The following PDSS2 variants were observed in gnomAD, a reference collection of about 807,000 sequenced individuals.
The protein encoded by PDSS2 is all trans-polyprenyl-diphosphate synthase PDSS2.
In PDSS2, 31 loss-of-function variants were observed where a neutral mutation model predicts 44.5. The observed-to-expected ratio is 0.70, with a 90% CI of 0.52 to 0.94. The LOEUF is 0.94. Ranked by LOEUF, PDSS2 falls within the 40% of genes least tolerant of loss-of-function variation. The pLI is 0.00. For missense variants in PDSS2, 452 were observed against 482.2 expected (o/e 0.94, Z 0.59); for synonymous variants, 157 against 180.3 (o/e 0.87, Z 1.03).
At chr6:107,261,114 G>A (rs1775207035) in intron 3 of PDSS2, among the ~76,000 whole-genome samples, 1 of 152,210 alleles carries the variant, frequency 6.6e-6, no homozygotes, top group African/African-American at 2.4e-5. Flanking sequence ...CTAAGTACTG[G>A]GTGGATAGAC....
intron 4 of PDSS2, among the ~76,000 whole-genome samples, chr6:107,241,960 A>G (rs528683405): frequency 5.9e-5 from 9 of 152,264 alleles, no homozygotes; most frequent in African/African-American, 2.2e-4. Flanking sequence ...CTCTTCCCAC[A>G]TGACCTCCAC....
At chr6:107,272,935 TTTTTTA>T (rs1200257076) in intron 3 of PDSS2, among the ~76,000 whole-genome samples, 1 of 152,128 alleles carries the variant, frequency 6.6e-6, no homozygotes, top group African/African-American at 2.4e-5. Flanking sequence ...TTTATTTATT[TTTTTTA>T]TTTTTATTTT....
chr6:107,215,044 T>C lies in PDSS2; in HGVS notation c.703-2762A>G, dbSNP rs573862727. Among the ~76,000 whole-genome samples, 11 of 152,354 alleles carry C rather than the reference T, an allele frequency of 7.2e-5. No individual in the cohort carries two copies. The East Asian group carries it at 2.1e-3, about 29-fold the overall frequency. On this transcript the variant is annotated intron_variant, in intron 4 of 7. Transcript: ENST00000369037. ...ACAGGAGAGAAACAATGCATAATGT[T>C]AAGACCTTCTTTACAAAACATTAGG...
At chr6:107,211,003 A>AG (rs1773184841) in intron 5 of PDSS2, among the ~76,000 whole-genome samples, 1 of 152,028 alleles carries the variant, frequency 6.6e-6, no homozygotes, top group Non-Finnish European at 1.5e-5. Context: ...CAAAAAAAAA[A>AG]AAAAAAATTT....
chr6:107,337,666 C>A (rs1777948218), intron 1 of PDSS2, among the ~76,000 whole-genome samples: 1 of 152,122 alleles, frequency 6.6e-6, no homozygotes, highest in Non-Finnish European at 1.5e-5. Context: ...TTTTTGTGAT[C>A]TTATTTTTTT....
chr6:107,313,804 T>G (rs1777120953), intron 2 of PDSS2, among the ~76,000 whole-genome samples: 1 of 152,198 alleles, frequency 6.6e-6, no homozygotes. Flanking sequence ...TATCCTCTTT[T>G]GTTTCGTATG....
chr6:107,208,539 C>T (rs1773085886), intron 6 of PDSS2, among the ~76,000 whole-genome samples: 1 of 150,942 alleles, frequency 6.6e-6, no homozygotes, highest in Non-Finnish European at 1.5e-5. Context: ...TCAAGTGATC[C>T]ACCCCCTTGG....
At chr6:107,288,798 C>T (rs1285904548) in intron 2 of PDSS2, among the ~76,000 whole-genome samples, 1 of 112,796 alleles carries the variant, frequency 8.9e-6, no homozygotes, top group Non-Finnish European at 1.6e-5. Flanking sequence ...CTTGCTTTGT[C>T]GCCCAGGCTG....
chr6:107,238,729 C>T (rs117337434), intron 4 of PDSS2, among the ~76,000 whole-genome samples: 3 of 152,150 alleles, frequency 2.0e-5, no homozygotes, highest in South Asian at 2.1e-4. Flanking sequence ...TTAGGCACTG[C>T]GAGCCATTCT....
chr6:107,429,255 T>C (rs976544573), intron 1 of PDSS2, among the ~76,000 whole-genome samples: 3 of 151,748 alleles, frequency 2.0e-5, no homozygotes, highest in Non-Finnish European at 4.4e-5. Context: ...AAGTGGGGAG[T>C]GGCAAGATAA....
chr6:107,323,035 T>A (rs1325224787), intron 2 of PDSS2, among the ~76,000 whole-genome samples: 3 of 152,162 alleles, frequency 2.0e-5, no homozygotes, highest in Non-Finnish European at 4.4e-5. Flanking sequence ...GAGGAAGACA[T>A]TTCTTAGGCA....
At chr6:107,426,527 C>A (rs1239102459) in intron 1 of PDSS2, among the ~76,000 whole-genome samples, 1 of 152,158 alleles carries the variant, frequency 6.6e-6, no homozygotes, top group East Asian at 1.9e-4. Context: ...GAGAAGAGGG[C>A]CACCATTCTC....
rs190411594 is a variant in PDSS2 at position 107,417,584 on chromosome 6, C to T, written c.296+41406G>A. Among the ~76,000 whole-genome samples, 215 of 152,202 alleles carry T rather than the reference C, an allele frequency of 1.4e-3. 1 individual carries two copies. Among genetic ancestry groups the T allele is most frequent in the Non-Finnish European group, 2.0e-3 (133 of 68,014 alleles). On this transcript the variant is annotated intron_variant, in intron 1 of 7. Transcript: ENST00000369037. ...GACCAGTCTAGCCAACATGGTGAAACCCCATCTCTACTAAAAATACAAAAA... is the reference window on the plus strand; with the variant it reads ...GACCAGTCTAGCCAACATGGTGAAATCCCATCTCTACTAAAAATACAAAAA...
intron 1 of PDSS2, among the ~76,000 whole-genome samples, chr6:107,374,253 C>CAAAAAAA (rs3033569): frequency 2.8e-5 from 2 of 70,422 alleles, no homozygotes; most frequent in Admixed American, 1.8e-4. Flanking sequence ...GACTCCATCA[C>CAAAAAAA]AAAAAAAAAA....
intron 4 of PDSS2, among the ~76,000 whole-genome samples, chr6:107,241,257 A>G (rs1430873438): frequency 6.6e-6 from 1 of 151,418 alleles, no homozygotes; most frequent in East Asian, 1.9e-4. Flanking sequence ...AAAAAAAAAA[A>G]AAAAAAAAGT....
chr6:107,228,619 C>T (rs1294022266), intron 4 of PDSS2, among the ~76,000 whole-genome samples: 3 of 152,022 alleles, frequency 2.0e-5, no homozygotes, highest in Non-Finnish European at 4.4e-5. Flanking sequence ...CTCTTGAACC[C>T]AGGAGGCAGA....
chr6:107,394,213 G>T (rs1779870570), intron 1 of PDSS2, among the ~76,000 whole-genome samples: 1 of 152,064 alleles, frequency 6.6e-6, no homozygotes, highest in Non-Finnish European at 1.5e-5. Flanking sequence ...TCTAGGATTT[G>T]GAGTATATGT....
intron 7 of PDSS2, among the ~76,000 whole-genome samples, chr6:107,176,504 C>T (rs542335472): frequency 2.6e-5 from 4 of 151,866 alleles, no homozygotes; most frequent in South Asian, 2.1e-4. Context: ...CTGTCCTCCA[C>T]GTTTATCAAT....
At chr6:107,314,938 A>AT (rs1177580239) in intron 2 of PDSS2, among the ~76,000 whole-genome samples, 1 of 152,256 alleles carries the variant, frequency 6.6e-6, no homozygotes, top group Non-Finnish European at 1.5e-5. Context: ...AAGTAGCCCT[A>AT]TAAAAACTAT....
Sources: gnomAD v4.1 joint callset for allele counts (sites outside exome capture counted in the v4.1 genomes callset) on GRCh38, gnomAD v4.1.1 for gene constraint, MANE v1.5 for transcripts, NCBI Gene and HGNC (gene_info 2026-07-23, HGNC 2026-07-21) for gene names.